The following TAPT1 variants were observed in gnomAD, a reference collection of about 807,000 sequenced individuals.
TAPT1 encodes transmembrane anterior posterior transformation 1.
A neutral mutation model predicts 65.6 loss-of-function variants in TAPT1; 28 were observed. The ratio of observed to expected loss-of-function variants is 0.43; its 90% CI spans 0.32 to 0.59. The LOEUF is 0.59. TAPT1 is among the 20% of genes least tolerant of loss of function. TAPT1 has a pLI of 0.09. For synonymous variants in TAPT1, 278 were observed against 245.2 expected (o/e 1.13, Z -1.25); for missense variants, 563 against 679.9 (o/e 0.83, Z 1.91).
intron 12 of TAPT1, among the ~76,000 whole-genome samples, chr4:16,169,589 A>ACCT (rs1187817750): frequency 6.6e-6 from 1 of 152,166 alleles, no homozygotes; most frequent in African/African-American, 2.4e-5. Flanking sequence ...TGTGATCAGA[A>ACCT]CCTCCTCCTC....
chr4:16,209,217 G>A (rs1272747728), intron 2 of TAPT1, among the ~76,000 whole-genome samples: 3 of 151,732 alleles, frequency 2.0e-5, no homozygotes. Context: ...TTCCTTCCTG[G>A]ATCCTCGTCC....
chr4:16,203,192 G>A (rs932773204), intron 2 of TAPT1, among the ~76,000 whole-genome samples: 1 of 152,190 alleles, frequency 6.6e-6, no homozygotes, highest in Non-Finnish European at 1.5e-5. Context: ...AGAGGGTGAA[G>A]TCTTTCGAGG....
intron 3 of TAPT1, among the ~76,000 whole-genome samples, chr4:16,192,760 C>G (rs745510119): frequency 6.6e-6 from 1 of 152,164 alleles, no homozygotes; most frequent in Non-Finnish European, 1.5e-5. Flanking sequence ...ATCAATAAAA[C>G]GGCCCGAGTA....
intron 3 of TAPT1, among the ~76,000 whole-genome samples, chr4:16,196,102 G>A (rs745640375): frequency 8.5e-5 from 13 of 152,168 alleles, no homozygotes; most frequent in Non-Finnish European, 1.8e-4. Context: ...ATTTTTGAAA[G>A]TGAAATCCTT....
At chr4:16,167,129 G>T (rs1747694044) in intron 12 of TAPT1, among the ~76,000 whole-genome samples, 1 of 151,728 alleles carries the variant, frequency 6.6e-6, no homozygotes, top group African/African-American at 2.4e-5. Flanking sequence ...AAGTAGCTGG[G>T]ATTACAGGCA....
chr4:16,176,197 A>G lies in TAPT1; in HGVS notation c.1029T>C (p.Cys343=). ...DHLWVLFPDV[C]MVIASEIAVD... is the part of the protein sequence containing the mutation. ...CGGCAATTTCTGATGCAATTACCATACAGACATCTGGAAACAACACCCAGA... is the reference window on the plus strand; with the variant it reads ...CGGCAATTTCTGATGCAATTACCATGCAGACATCTGGAAACAACACCCAGA... Residue 343 remains cysteine (C), a synonymous_variant, in exon 9 of 14, where the codon TGT becomes TGC. Coordinates refer to ENST00000405303, the MANE Select transcript of TAPT1 (RefSeq NM_153365.3). 1 of 1,572,380 alleles carries G rather than the reference A, an allele frequency of 6.4e-7. No homozygotes were observed. Among genetic ancestry groups the G allele is most frequent in the Non-Finnish European group, 8.6e-7 (1 of 1,158,682 alleles).
chr4:16,165,943 T>C (rs750792930), intron 13 of TAPT1, among the ~76,000 whole-genome samples: 6 of 152,308 alleles, frequency 3.9e-5, no homozygotes, highest in Middle Eastern at 6.8e-3. Flanking sequence ...AGCTGCACCA[T>C]GCCACTGCTC....
intron 12 of TAPT1, among the ~76,000 whole-genome samples, chr4:16,168,516 T>C (rs1747785470): frequency 6.6e-6 from 1 of 152,156 alleles, no homozygotes. Context: ...CAGGCCTGTG[T>C]CCCCATGCCC....
chr4:16,198,021 A>G (rs941639415), intron 3 of TAPT1, among the ~76,000 whole-genome samples: 2 of 152,148 alleles, frequency 1.3e-5, no homozygotes, highest in Non-Finnish European at 2.9e-5. Context: ...ATGACTGCAG[A>G]TAATTACCCT....
At chr4:16,205,032 A>T (rs1025284777) in intron 2 of TAPT1, among the ~76,000 whole-genome samples, 21 of 152,220 alleles carry the variant, frequency 1.4e-4, no homozygotes, top group African/African-American at 5.1e-4. Context: ...TGAACCTAAT[A>T]GTACTGCACT....
At position 16,162,702 on chromosome 4, in the gene TAPT1, G is replaced by C. The variant is rs1179586806; in HGVS notation, c.*606C>G. On this transcript the variant is annotated 3_prime_UTR_variant, in exon 14 of 14. Coordinates refer to ENST00000405303, the MANE Select transcript of TAPT1 (RefSeq NM_153365.3). ...TTTTTTTAATAAATAAACTAGTTTA[G>C]CATTTTTTTTTAACCCTACAAAATG... The C allele has an allele frequency of 1.1e-5, 1 of 91,064 alleles. No individual in the cohort carries two copies. Among genetic ancestry groups the C allele is most frequent in the Admixed American group, 9.0e-5 (1 of 11,084 alleles). 5.6% of individuals were successfully genotyped at this position (91,064 alleles called of 1,614,324 possible).
chr4:16,204,854 A>G (rs1172698134), intron 2 of TAPT1, among the ~76,000 whole-genome samples: 14 of 152,242 alleles, frequency 9.2e-5, no homozygotes, highest in Admixed American at 8.5e-4. Context: ...CTCACTCACC[A>G]CTGGATTTAC....
chr4:16,224,333 T>C (rs138069600), intron 1 of TAPT1, among the ~76,000 whole-genome samples: 16 of 152,222 alleles, frequency 1.1e-4, no homozygotes, highest in Non-Finnish European at 1.8e-4. Context: ...AAAATAATTG[T>C]TTCTAGTGGG....
chr4:16,225,398 G>T (rs1751491994), intron 1 of TAPT1, among the ~76,000 whole-genome samples: 1 of 152,194 alleles, frequency 6.6e-6, no homozygotes, highest in African/African-American at 2.4e-5. Flanking sequence ...TTTTTAGTTG[G>T]AAGAAATTTA....
At chr4:16,220,522 G>A (rs1482530563) in intron 1 of TAPT1, among the ~76,000 whole-genome samples, 2 of 152,058 alleles carry the variant, frequency 1.3e-5, no homozygotes, top group Admixed American at 6.6e-5. Context: ...AGGCCAAGGC[G>A]GGTGGATCCC....
At chr4:16,173,970 G>A (rs1482564422) in intron 11 of TAPT1, among the ~76,000 whole-genome samples, 1 of 152,122 alleles carries the variant, frequency 6.6e-6, no homozygotes, top group Admixed American at 6.5e-5. Flanking sequence ...CTCATTGTTA[G>A]GAAAGCCATT....
intron 2 of TAPT1, among the ~76,000 whole-genome samples, chr4:16,203,948 C>T (rs751968406): frequency 7.9e-5 from 12 of 151,974 alleles, no homozygotes; most frequent in Non-Finnish European, 1.2e-4. Flanking sequence ...TCATTATGAA[C>T]AGCAGTGAAA....
intron 13 of TAPT1, among the ~76,000 whole-genome samples, chr4:16,166,099 G>A (rs1164315999): frequency 3.9e-5 from 6 of 152,130 alleles, no homozygotes; most frequent in Admixed American, 1.3e-4. Flanking sequence ...CCTTTGATGC[G>A]CCAAGCATCT....
At chr4:16,188,470 A>C (rs1290755147) in intron 4 of TAPT1, 115 bp from the exon 5 acceptor site, 4 of 795,488 alleles carry the variant, frequency 5.0e-6, no homozygotes, top group Non-Finnish European at 7.5e-6. Context: ...AGTAGAAGGC[A>C]AGCTAAAGAG....
Sources: allele counts gnomAD v4.1 joint callset (sites outside exome capture counted in the v4.1 genomes callset), GRCh38; gene constraint gnomAD v4.1.1; transcripts MANE v1.5; gene names NCBI Gene and HGNC (gene_info 2026-07-23, HGNC 2026-07-21).